WDR70: variants seen among roughly 807,000 people sequenced by gnomAD.
WDR70 encodes WD repeat-containing protein 70.
Under a neutral mutation model 88.6 loss-of-function variants are expected in WDR70, and 53 were observed. The observed-to-expected ratio is 0.60, with a 90% CI of 0.48 to 0.75. WDR70 has a LOEUF of 0.75. WDR70 is among the 30% of genes least tolerant of loss of function. The probability of loss-of-function intolerance (pLI) is 0.00; values close to 1 mark genes in which losing one functional copy is unlikely to be tolerated. For missense variants in WDR70, 610 were observed against 823.2 expected, an observed-to-expected ratio of 0.74 and a Z score of 3.17; for synonymous variants, 280 against 270.0, an observed-to-expected ratio of 1.04 and a Z score of -0.36.
At chr5:37,519,862 A>G (rs769583653) in intron 9 of WDR70, among the ~76,000 whole-genome samples, 18 of 152,218 alleles carry the variant, frequency 1.2e-4, no homozygotes, top group Non-Finnish European at 2.5e-4. Flanking sequence ...ACTGTTCTTC[A>G]TAATGGTTTT....
At chr5:37,736,210 G>A (rs1034904470) in intron 17 of WDR70, among the ~76,000 whole-genome samples, 27 of 152,192 alleles carry the variant, frequency 1.8e-4, no homozygotes, top group African/African-American at 5.8e-4. Flanking sequence ...CTGGCCAGCA[G>A]CCTGACAGAA....
At chr5:37,445,121 A>G (rs1156608598) in intron 7 of WDR70, among the ~76,000 whole-genome samples, 1 of 152,132 alleles carries the variant, frequency 6.6e-6, no homozygotes, top group Non-Finnish European at 1.5e-5. Context: ...TGGAATATCA[A>G]AGGCTTTATC....
chr5:37,535,890 C>T (rs570913736), intron 9 of WDR70, among the ~76,000 whole-genome samples: 1 of 152,310 alleles, frequency 6.6e-6, no homozygotes, highest in Admixed American at 6.5e-5. Context: ...TGTGAACCCA[C>T]TGAGTGGTTT....
At chr5:37,573,212 G>A (rs10223225) in intron 9 of WDR70, among the ~76,000 whole-genome samples, 6,615 of 152,024 alleles carry the variant, frequency 0.044, 486 homozygotes, top group African/African-American at 0.15. Flanking sequence ...CAGGTTTCCC[G>A]TCTTGCCTTA....
intron 3 of WDR70, among the ~76,000 whole-genome samples, chr5:37,385,802 A>AAT (rs990891072): frequency 4.2e-5 from 6 of 143,034 alleles, no homozygotes; most frequent in South Asian, 2.1e-4. Flanking sequence ...ACAAAGACCA[A>AAT]ATATATATAT....
chr5:37,610,935 C>A (rs571141241), intron 10 of WDR70, among the ~76,000 whole-genome samples: 1 of 152,252 alleles, frequency 6.6e-6, no homozygotes, highest in East Asian at 1.9e-4. Flanking sequence ...ATTCTTACTT[C>A]CCAAAACAGT....
At chr5:37,562,407 G>A (rs1361802328) in intron 9 of WDR70, among the ~76,000 whole-genome samples, 1 of 150,388 alleles carries the variant, frequency 6.6e-6, no homozygotes, top group Non-Finnish European at 1.5e-5. Flanking sequence ...AGAAAACTTA[G>A]ATCCTGCAAG....
At chr5:37,528,154 A>T (rs531794984) in intron 9 of WDR70, among the ~76,000 whole-genome samples, 28 of 152,356 alleles carry the variant, frequency 1.8e-4, no homozygotes, top group Non-Finnish European at 3.4e-4. Context: ...ATTATAAATC[A>T]TGCTGCTGTA....
At chr5:37,472,920 G>T (rs985138293) in intron 7 of WDR70, among the ~76,000 whole-genome samples, 41 of 152,140 alleles carry the variant, frequency 2.7e-4, no homozygotes, top group Non-Finnish European at 1.2e-4. Flanking sequence ...CTGCTGAGTC[G>T]TAGGATAGGT....
chr5:37,415,415 C>T (rs1385026057), intron 5 of WDR70, among the ~76,000 whole-genome samples: 3 of 73,272 alleles, frequency 4.1e-5, no homozygotes, highest in Non-Finnish European at 7.8e-5. Context: ...GGGGGGCTGA[C>T]CCCCCCACCT....
intron 17 of WDR70, among the ~76,000 whole-genome samples, chr5:37,736,378 A>T (rs1748305053): frequency 6.6e-6 from 1 of 152,180 alleles, no homozygotes; most frequent in East Asian, 1.9e-4. Context: ...CCTATAAAGG[A>T]TCCATTTAAA....
At position 37,563,310 on chromosome 5, in the gene WDR70, C is replaced by CG. The variant is rs1181946991; in HGVS notation, c.918-41754_918-41753insG. 3.5e-3 allele frequency among the ~76,000 whole-genome samples: 218 copies of CG among 61,750 alleles called. 66 individuals are homozygous for CG. Among genetic ancestry groups the CG allele is most frequent in the African/African-American group, 0.01 (206 of 20,188 alleles). The allele number at this position is 61,750 out of a possible 152,430, so 40.5% of individuals were successfully genotyped here. A position where few individuals can be genotyped will look rare whatever the true frequency, so the allele number is the denominator to read the frequency against. On this transcript the variant is annotated intron_variant, in intron 9 of 17. Coordinates refer to ENST00000265107, the MANE Select transcript of WDR70 (RefSeq NM_018034.4). Reference sequence around the variant, plus strand: ...GGCTGGCCGGGCGGGGGGCTGGCCCCCCACCTCCCTCCTGGACGGGGCGGC... The same window carrying CG: ...GGCTGGCCGGGCGGGGGGCTGGCCCCGCCACCTCCCTCCTGGACGGGGCGGC...
intron 8 of WDR70, among the ~76,000 whole-genome samples, chr5:37,489,871 T>G (rs1343256216): frequency 6.6e-6 from 1 of 152,022 alleles, no homozygotes; most frequent in Non-Finnish European, 1.5e-5. Context: ...TGTATACATG[T>G]GCCATGCTGG....
intron 9 of WDR70, among the ~76,000 whole-genome samples, chr5:37,555,054 G>T (rs1281055665): frequency 6.6e-6 from 1 of 152,142 alleles, no homozygotes; most frequent in Non-Finnish European, 1.5e-5. Flanking sequence ...TTATAGAATT[G>T]TGTTGTGTAC....
intron 8 of WDR70, among the ~76,000 whole-genome samples, chr5:37,514,639 C>T (rs1314346611): frequency 6.6e-6 from 1 of 151,828 alleles, no homozygotes; most frequent in African/African-American, 2.4e-5. Flanking sequence ...TAAGTGAGAA[C>T]ATGCAGTGTT....
At chr5:37,605,297 AC>A in intron 10 of WDR70, 59 bp downstream of exon 10, 1 of 1,507,612 alleles carries the variant, frequency 6.6e-7, no homozygotes, top group South Asian at 1.4e-5. Context: ...GAAGATGGCC[AC>A]CTTACAAAGA....
At chr5:37,402,732 A>G (rs1749234041) in intron 5 of WDR70, among the ~76,000 whole-genome samples, 1 of 151,994 alleles carries the variant, frequency 6.6e-6, no homozygotes, top group Non-Finnish European at 1.5e-5. Context: ...TGTTTTGAAT[A>G]CTAGGTCTTA....
At chr5:37,727,190 AAACC>A in intron 17 of WDR70, 145 bp downstream of exon 17, 1 of 979,336 alleles carries the variant, frequency 1.0e-6, no homozygotes, top group Non-Finnish European at 1.4e-6. Context: ...CATGGTCTTT[AAACC>A]TAGGCATTTG....
At chr5:37,704,858 A>C (rs1363885546) in intron 13 of WDR70, among the ~76,000 whole-genome samples, 1 of 150,430 alleles carries the variant, frequency 6.6e-6, no homozygotes, top group Non-Finnish European at 1.5e-5. Context: ...TCTTGTATAC[A>C]ATTAGAAGAT....
Sources: allele counts gnomAD v4.1 joint callset (sites outside exome capture counted in the v4.1 genomes callset), GRCh38; gene constraint gnomAD v4.1.1; transcripts MANE v1.5; gene names NCBI Gene and HGNC (gene_info 2026-07-23, HGNC 2026-07-21).